Variants in NARF observed in about 807,000 individuals in gnomAD.
NARF encodes the protein iron-only hydrogenase-like protein 2.
Under a neutral mutation model 48.0 loss-of-function variants are expected in NARF, and 41 were observed. The observed-to-expected ratio is 0.85, with a 90% CI of 0.66 to 1.11. The LOEUF (loss-of-function observed/expected upper bound fraction) is 1.11, where lower values mean the gene tolerates loss of function less well. Ranked by LOEUF, NARF falls within the 50% of genes least tolerant of loss-of-function variation. The pLI is 0.00. For synonymous variants in NARF, 215 were observed against 225.5 expected (o/e 0.95, Z 0.42); for missense variants, 613 against 590.2 (o/e 1.04, Z -0.40).
intron 7 of NARF, chr17:82,482,304 C>T: frequency 5.5e-6 from 2 of 365,044 alleles, no homozygotes; most frequent in Non-Finnish European, 1.0e-5. Context: ...GGCACAGGCT[C>T]CCTGTGGGGT....
intron 1 of NARF, chr17:82,459,041 C>G (rs2043360525): frequency 8.3e-7 from 1 of 1,206,750 alleles, no homozygotes; most frequent in African/African-American, 1.6e-5. Flanking sequence ...GCGGTTCTCC[C>G]TGAACTTGTC....
At chr17:82,459,349 C>A in intron 1 of NARF, 2 of 241,722 alleles carry the variant, frequency 8.3e-6, no homozygotes, top group Non-Finnish European at 1.3e-5. Flanking sequence ...CCTGTGGATG[C>A]TGCTCTGTGG....
intron 2 of NARF, among the ~76,000 whole-genome samples, chr17:82,461,633 A>G (rs953564814): frequency 2.6e-5 from 4 of 152,202 alleles, no homozygotes; most frequent in African/African-American, 9.7e-5. Flanking sequence ...GTCATTTTAC[A>G]TGCAGTCTCA....
intron 4 of NARF, among the ~76,000 whole-genome samples, chr17:82,471,664 C>T (rs1251327623): frequency 6.8e-6 from 1 of 147,774 alleles, no homozygotes; most frequent in East Asian, 2.0e-4. Context: ...TGGTGGTGGG[C>T]GCCTGTAGTC....
chr17:82,486,731 C>A (rs1436109368), intron 10 of NARF, among the ~76,000 whole-genome samples: 1 of 152,162 alleles, frequency 6.6e-6, no homozygotes, highest in East Asian at 1.9e-4. Flanking sequence ...AGGTGCAAGC[C>A]CAGCCCCCTG....
chr17:82,464,551 T>G (rs769682929), intron 3 of NARF, 121 bp downstream of exon 3: 3 of 1,267,602 alleles, frequency 2.4e-6, no homozygotes, highest in Non-Finnish European at 2.1e-6. Flanking sequence ...AGCCTTTTCC[T>G]GGTGTTGCTA....
At chr17:82,458,440 G>T, upstream of NARF, 1 of 237,232 alleles carries the variant, frequency 4.2e-6, no homozygotes, top group South Asian at 1.0e-4. Context: ...AACGCCGCTT[G>T]GCCGCCGCCG....
At chr17:82,475,059 T>C (rs1004680469) in intron 5 of NARF, among the ~76,000 whole-genome samples, 1 of 152,202 alleles carries the variant, frequency 6.6e-6, no homozygotes, top group African/African-American at 2.4e-5. Flanking sequence ...CCACACCTGA[T>C]GGTTTCTGGG....
intron 5 of NARF, 33 bp from the exon 6 acceptor site, chr17:82,478,766 TA>T (rs1486097436): frequency 6.3e-7 from 1 of 1,589,160 alleles, no homozygotes; most frequent in Non-Finnish European, 8.6e-7. Context: ...GAGGAAGCAG[TA>T]AGGAGCTGAC....
At chr17:82,468,077 C>T (rs1042374248) in intron 3 of NARF, among the ~76,000 whole-genome samples, 8 of 151,918 alleles carry the variant, frequency 5.3e-5, no homozygotes, top group Non-Finnish European at 8.8e-5. Context: ...TTTGGGAGGC[C>T]GAGGCAGGTG....
intron 5 of NARF, 62 bp downstream of exon 5, chr17:82,472,760 G>T: frequency 6.4e-7 from 1 of 1,566,228 alleles, no homozygotes; most frequent in Middle Eastern, 1.9e-4. Flanking sequence ...ACAAGATTCT[G>T]CAGGCTCTAG....
rs569621421 is a variant in NARF at position 82,485,527 on chromosome 17, G to A, written c.1002G>A (p.Glu334=). ...RNKDFQEVTL[E]KNGEVVLRFA... is the part of the protein sequence containing the mutation. ...AAGACTTCCAAGAGGTCACCCTTGA[G>A]AAGAACGGAGAGGTGGTGTTACGCT... The change falls in exon 10 of 11, where the codon GAG becomes GAA. Residue 334 remains glutamate, a synonymous_variant. Coordinates refer to ENST00000309794, the MANE Select transcript of NARF (RefSeq NM_012336.4). 9.3e-6 allele frequency: 15 copies of A among 1,614,258 alleles called. No individual in the cohort carries two copies. Among genetic ancestry groups the A allele is most frequent in the Admixed American group, 3.3e-5 (2 of 60,024 alleles).
chr17:82,473,295 ATTTT>A (rs71168112), intron 5 of NARF, among the ~76,000 whole-genome samples: 2 of 120,716 alleles, frequency 1.7e-5, no homozygotes, highest in Non-Finnish European at 1.8e-5. Context: ...ACATGTCTCT[ATTTT>A]TTTTTTTTTT....
chr17:82,481,246 G>A (rs369202259), intron 7 of NARF, 35 bp downstream of exon 7: 13 of 1,611,002 alleles, frequency 8.1e-6, no homozygotes, highest in Middle Eastern at 3.3e-4. Flanking sequence ...TGGGCGCTGG[G>A]GTAATCTCCT....
intron 7 of NARF, chr17:82,481,730 CAA>C (rs61126963): frequency 0.04 from 14,010 of 351,072 alleles, no homozygotes; most frequent in South Asian, 0.064. Context: ...AACTTTGTCT[CAA>C]AAAAAAAAAA....
chr17:82,464,305 T>A lies in NARF; in HGVS notation c.127T>A (p.Leu43Met). 6.2e-7 allele frequency: 1 copy of A among 1,613,620 alleles called. No individual in the cohort carries two copies. The highest frequency in any genetic ancestry group is 1.7e-4 in the Middle Eastern group (1 of 6,060). ...TTCATAGAAGGGAGAATTCCACAAG[T>A]TGGCTGATGCCAAGATATTTTTGAG... ...ENGEKGEFHK[L>M]ADAKIFLSDC... Residue 43 changes from leucine to methionine, a missense_variant, in exon 3 of 11, where the codon TTG becomes ATG. Physicochemically the swap from Leu to Met is conservative, Grantham distance 15. Transcript: ENST00000309794.
At chr17:82,465,073 A>T (rs1001860161) in intron 3 of NARF, among the ~76,000 whole-genome samples, 2 of 152,196 alleles carry the variant, frequency 1.3e-5, no homozygotes, top group Non-Finnish European at 2.9e-5. Context: ...GCCTCAGGGA[A>T]CAACCATGGC....
chr17:82,470,029 C>T (rs1245633654), intron 4 of NARF, among the ~76,000 whole-genome samples: 3 of 152,192 alleles, frequency 2.0e-5, no homozygotes, highest in East Asian at 1.9e-4. Context: ...GCCAGGAGCT[C>T]GAGACCAGCC....
chr17:82,484,795 T>C lies in NARF; in HGVS notation c.834-18T>C. 6.4e-7 allele frequency: 1 copy of C among 1,570,778 alleles called. No homozygotes were observed. Among genetic ancestry groups the C allele is most frequent in the Non-Finnish European group, 8.6e-7 (1 of 1,156,572 alleles). On this transcript the variant is annotated intron_variant, in intron 8 of 10. Transcript: ENST00000309794. ...CGTCAGCATTCATGAAGGACTTGTA[T>C]TTTCTCTGCCTTGTGAGGTTTGGAG...
Sources: allele counts gnomAD v4.1 joint callset (sites outside exome capture counted in the v4.1 genomes callset), GRCh38; gene constraint gnomAD v4.1.1; transcripts MANE v1.5; gene names NCBI Gene and HGNC (gene_info 2026-07-23, HGNC 2026-07-21).